Variants in CRMP1 observed in about 807,000 individuals in gnomAD.
CRMP1 encodes dihydropyrimidinase-related protein 1.
A neutral mutation model predicts 68.3 loss-of-function variants in CRMP1; 19 were observed. The ratio of observed to expected loss-of-function variants is 0.28; its 90% CI spans 0.19 to 0.41. The LOEUF (loss-of-function observed/expected upper bound fraction) is 0.41. CRMP1 is among the 10% of genes least tolerant of loss of function. The pLI, the probability that CRMP1 is intolerant of heterozygous loss-of-function variation, is 1.00. For missense variants in CRMP1, 791 were observed against 967.4 expected, an observed-to-expected ratio of 0.82 and a Z score of 2.42; for synonymous variants, 439 against 399.6, an observed-to-expected ratio of 1.10 and a Z score of -1.18.
Position 5,838,681 on chromosome 4 carries a change from T to C in CRMP1, c.1310+841A>G, listed in dbSNP as rs1448181111. Among the ~76,000 whole-genome samples, 1 of 152,178 alleles carries C rather than the reference T, an allele frequency of 6.6e-6. No individual in the cohort carries two copies. Among genetic ancestry groups the C allele is most frequent in the Non-Finnish European group, 1.5e-5 (1 of 68,028 alleles). ...CCACCAGACATTGGACTGCAGATGT[T>C]GAGTAAGCCCTTGGCTACGCTAGTC... On this transcript the variant is annotated intron_variant, in intron 9 of 13. Transcript: ENST00000324989. The surrounding 1 kb of genome is among the most constrained non-coding windows in gnomAD (Gnocchi z 4.9).
At chr4:5,867,004 A>G (rs1217889832) in intron 1 of CRMP1, among the ~76,000 whole-genome samples, 2 of 152,168 alleles carry the variant, frequency 1.3e-5, no homozygotes, top group Non-Finnish European at 2.9e-5. Context: ...CAAGCACTGT[A>G]TCTTTCCACC....
At chr4:5,880,799 T>C (rs553416728) in intron 1 of CRMP1, among the ~76,000 whole-genome samples, 8 of 152,322 alleles carry the variant, frequency 5.3e-5, no homozygotes, top group African/African-American at 1.9e-4. Context: ...CAGTGCCTTG[T>C]TAAGGAAGAC....
At position 5,849,486 on chromosome 4, in the gene CRMP1, A is replaced by G; in HGVS notation, c.883-14T>C. On this transcript the variant is annotated splice_polypyrimidine_tract_variant and intron_variant, in intron 5 of 13. Transcript: ENST00000324989. ...GGCTTCATAGAGCTATGGAGAGATA[A>G]ACAGGGGTTGGTGTGAGATTTAAAA... 6.3e-7 allele frequency: 1 copy of G among 1,589,316 alleles called. No individual in the cohort carries two copies. The highest frequency in any genetic ancestry group is 1.1e-5 in the South Asian group (1 of 88,620).
At chr4:5,840,456 C>A (rs1022813868) in intron 8 of CRMP1, among the ~76,000 whole-genome samples, 1 of 152,200 alleles carries the variant, frequency 6.6e-6, no homozygotes, top group African/African-American at 2.4e-5. Flanking sequence ...AGGCCACCTG[C>A]TGCCCAGTAG....
Position 5,849,462 on chromosome 4 carries a change from G to A in CRMP1, c.893C>T (p.Ala298Val), listed in dbSNP as rs200982795. The A allele has an allele frequency of 5.6e-6, 9 of 1,612,662 alleles. No homozygotes were observed. Among genetic ancestry groups the A allele is most frequent in the East Asian group, 2.2e-5 (1 of 44,850 alleles). The change falls in exon 6 of 14, where the codon GCC becomes GTC. Residue 298 changes from alanine to valine, a missense_variant. Coordinates refer to ENST00000324989, the MANE Select transcript of CRMP1 (RefSeq NM_001014809.3). The part of the protein sequence containing the change: ...YQMSDSQLYE[A>V]FTFLKGLGAV... Reference sequence around the variant, plus strand: ...TCCCAGGCCCTTAAGGAAGGTAAAGGCTTCATAGAGCTATGGAGAGATAAA... The same window carrying A: ...TCCCAGGCCCTTAAGGAAGGTAAAGACTTCATAGAGCTATGGAGAGATAAA...
chr4:5,878,986 T>A (rs1715043469), intron 1 of CRMP1, among the ~76,000 whole-genome samples: 1 of 152,106 alleles, frequency 6.6e-6, no homozygotes, highest in South Asian at 2.1e-4. Flanking sequence ...CTGCCCCAGA[T>A]AAGCCCTCAC....
rs1191319333 is a variant in CRMP1, at chr4:5,887,371, C to T, written c.381+5218G>A. On this transcript the variant is annotated intron_variant, in intron 1 of 13. Coordinates refer to ENST00000324989, the MANE Select transcript of CRMP1 (RefSeq NM_001014809.3). ...CGCCCAGAATCCCGCCTCCCGGCCC[C>T]GGGCTGCTCCTGCATACATGGGCTC... is the stretch of plus-strand genomic sequence containing the variant. The T allele has an allele frequency of 1.1e-5, 11 of 985,578 alleles. No individual in the cohort carries two copies. The Admixed American group carries it at 6.8e-4, about 61-fold the overall frequency. 61.1% of individuals were successfully genotyped at this position (985,578 alleles called of 1,614,324 possible).
chr4:5,832,818 T>C (rs1017691933), intron 11 of CRMP1, among the ~76,000 whole-genome samples: 2 of 152,176 alleles, frequency 1.3e-5, no homozygotes, highest in African/African-American at 4.8e-5. Flanking sequence ...TGAATCGTGC[T>C]CCCAAAAAAG....
intron 5 of CRMP1, among the ~76,000 whole-genome samples, chr4:5,851,080 C>T (rs1712583380): frequency 6.6e-6 from 1 of 152,216 alleles, no homozygotes; most frequent in African/African-American, 2.4e-5. Flanking sequence ...TCGGGAAGTA[C>T]AGGCTCCTGA....
chr4:5,824,828 A>G (rs1264959838), intron 13 of CRMP1: 1 of 985,278 alleles, frequency 1.0e-6, no homozygotes, highest in African/African-American at 1.7e-5. Context: ...CAACTTTCTC[A>G]ACGTGTGCGT....
At chr4:5,882,263 G>T (rs898082210) in intron 1 of CRMP1, among the ~76,000 whole-genome samples, 1 of 152,328 alleles carries the variant, frequency 6.6e-6, no homozygotes, top group African/African-American at 2.4e-5. Flanking sequence ...GATATTTCAG[G>T]TTGCTGCCAA....
chr4:5,888,562 C>T lies in CRMP1; in HGVS notation c.381+4027G>A. 13 of 1,124,948 alleles carry T rather than the reference C, an allele frequency of 1.2e-5. No homozygotes were observed. Among genetic ancestry groups the T allele is most frequent in the Non-Finnish European group, 1.4e-5 (13 of 919,642 alleles). The allele number at this position is 1,124,948 out of a possible 1,614,324, so 69.7% of individuals were successfully genotyped here. On this transcript the variant is annotated intron_variant, in intron 1 of 13. Coordinates refer to ENST00000324989, the MANE Select transcript of CRMP1 (RefSeq NM_001014809.3). The surrounding 1 kb of genome is among the most constrained non-coding windows in gnomAD (Gnocchi z 6.4). The stretch of plus-strand genomic sequence containing the variant: ...GACAGCTCCTCCCGGCGGCGCGGAG[C>T]GAAGCCGGATTCGCCCCTCTCGGCT...
At position 5,879,460 on chromosome 4, in the gene CRMP1, A is replaced by C. The variant is rs1011367053; in HGVS notation, c.382-12704T>G. On this transcript the variant is annotated intron_variant, in intron 1 of 13. Transcript: ENST00000324989. This position sits in a 1 kb window ranked among gnomAD's most constrained non-coding sequence, Gnocchi z 4.2. ...ATCTTATTTCCCCCATGAGACTGAAATCCTTGGCACCAGAGATGGCAGCTT... is the reference window on the plus strand; with the variant it reads ...ATCTTATTTCCCCCATGAGACTGAACTCCTTGGCACCAGAGATGGCAGCTT... Among the ~76,000 whole-genome samples the C allele has an allele frequency of 1.3e-5, 2 of 152,196 alleles. No individual in the cohort carries two copies. Among genetic ancestry groups the C allele is most frequent in the Admixed American group, 6.5e-5 (1 of 15,284 alleles).
At chr4:5,886,951 T>C (rs1715636103) in intron 1 of CRMP1, among the ~76,000 whole-genome samples, 1 of 152,222 alleles carries the variant, frequency 6.6e-6, no homozygotes, top group Non-Finnish European at 1.5e-5. Flanking sequence ...GGCAGAGGCC[T>C]GCTGACAAGA....
chr4:5,827,148 G>C (rs1719764281), intron 12 of CRMP1, among the ~76,000 whole-genome samples: 1 of 152,248 alleles, frequency 6.6e-6, no homozygotes, highest in Non-Finnish European at 1.5e-5. Context: ...GCAAATTGCT[G>C]TCTTGGCATT....
At chr4:5,828,753 T>TATCA in intron 11 of CRMP1, 85 bp from the exon 12 acceptor site, 1 of 1,470,348 alleles carries the variant, frequency 6.8e-7, no homozygotes, top group Non-Finnish European at 9.2e-7. Flanking sequence ...CCTAACATTA[T>TATCA]ATCATAAGCG....
Position 5,861,392 on chromosome 4 carries a change from T to A in CRMP1, c.471-182A>T, listed in dbSNP as rs1222332076. On this transcript the variant is annotated intron_variant, in intron 2 of 13. Coordinates refer to ENST00000324989, the MANE Select transcript of CRMP1 (RefSeq NM_001014809.3). The surrounding 1 kb of genome is among the most constrained non-coding windows in gnomAD (Gnocchi z 6.0). ...AAGGGGCTCATAGTCTAATAGGACG[T>A]AAGACAGGTGGGCAGACTGTTAGAG... is the stretch of plus-strand genomic sequence containing the variant. Among the ~76,000 whole-genome samples the A allele has an allele frequency of 6.6e-6, 1 of 152,194 alleles. No individual in the cohort carries two copies. The highest frequency in any genetic ancestry group is 2.4e-5 in the African/African-American group (1 of 41,442).
intron 1 of CRMP1, among the ~76,000 whole-genome samples, chr4:5,885,119 C>T (rs1715492334): frequency 6.6e-6 from 1 of 152,022 alleles, no homozygotes; most frequent in African/African-American, 2.4e-5. Flanking sequence ...CAGAAAAAGG[C>T]CAAGATGGAA....
intron 4 of CRMP1, 103 bp downstream of exon 4, chr4:5,856,040 C>T: frequency 1.4e-6 from 2 of 1,390,514 alleles, no homozygotes; most frequent in Non-Finnish European, 2.0e-6. Flanking sequence ...CATAATCAGG[C>T]TCAGAACAGA....
Sources: gnomAD v4.1 joint callset for allele counts (sites outside exome capture counted in the v4.1 genomes callset) on GRCh38, gnomAD v4.1.1 for gene constraint, Gnocchi (gnomAD v3.1) non-coding constraint, MANE v1.5 for transcripts, NCBI Gene and HGNC (gene_info 2026-07-23, HGNC 2026-07-21) for gene names.